MAML3: variants seen among roughly 807,000 people sequenced by gnomAD.
MAML3 encodes the protein mastermind like transcriptional coactivator 3.
In MAML3, 27 loss-of-function variants were observed where a neutral mutation model predicts 101.9. That is an observed-to-expected ratio of 0.27 (90% CI 0.20 to 0.37). MAML3 has a LOEUF of 0.37. Among genes scored for constraint, MAML3 ranks in the 10% least tolerant of loss-of-function variants. The pLI is 1.00. For missense variants in MAML3, 1,316 were observed against 1,444.9 expected (o/e 0.91, Z 1.45); for synonymous variants, 501 against 555.9 (o/e 0.90, Z 1.39).
intron 1 of MAML3, among the ~76,000 whole-genome samples, chr4:139,929,615 A>G (rs563676144): frequency 6.6e-6 from 1 of 152,326 alleles, no homozygotes; most frequent in Admixed American, 6.5e-5. Context: ...TCATGACAAC[A>G]CTTATTAGTT....
In MAML3 at chr4:139,776,137, G is replaced by GA. The variant is rs569661623; in HGVS notation, c.2080-45471dup. On this transcript the variant is annotated intron_variant, in intron 2 of 4. Transcript: ENST00000509479. ...GACAATCTTCCAATGCATGTAGGCTGAAAAAATGATTATTTTGTAAATCAA... is the reference window on the plus strand; with the variant it reads ...GACAATCTTCCAATGCATGTAGGCTGAAAAAAATGATTATTTTGTAAATCAA... 1.2e-4 allele frequency among the ~76,000 whole-genome samples: 19 copies of GA among 152,286 alleles called. No individual in the cohort carries two copies. In the East Asian group the frequency reaches 3.3e-3, roughly 26 times the overall value.
chr4:140,152,331 C>G (rs1361355018), intron 1 of MAML3, among the ~76,000 whole-genome samples: 1 of 152,208 alleles, frequency 6.6e-6, no homozygotes, highest in African/African-American at 2.4e-5. Context: ...CTCTCCTTCC[C>G]CGCTTCCCCC....
intron 1 of MAML3, among the ~76,000 whole-genome samples, chr4:139,989,850 A>AC: frequency 8.1e-6 from 1 of 122,972 alleles, no homozygotes; most frequent in Non-Finnish European, 1.7e-5. Flanking sequence ...CACACAAACA[A>AC]ACACACACAC....
intron 2 of MAML3, among the ~76,000 whole-genome samples, chr4:139,881,276 A>G (rs1237676561): frequency 6.6e-6 from 1 of 152,178 alleles, no homozygotes; most frequent in Non-Finnish European, 1.5e-5. Context: ...GCCTAGCCAG[A>G]GTGGGTTGAG....
At chr4:139,826,186 T>C (rs6840795) in intron 2 of MAML3, among the ~76,000 whole-genome samples, 67,993 of 151,572 alleles carry the variant, frequency 0.45, 15,539 homozygotes, top group African/African-American at 0.5. Flanking sequence ...CTGGCATCCA[T>C]TTGAGCCATC....
In MAML3 at chr4:139,977,894, C is replaced by CA. The variant is rs368816851; in HGVS notation, c.469-86928dup. 3.8e-3 allele frequency among the ~76,000 whole-genome samples: 541 copies of CA among 142,570 alleles called. 3 individuals are homozygous for CA. Among genetic ancestry groups the CA allele is most frequent in the Admixed American group, 6.6e-3 (96 of 14,484 alleles). The allele number at this position is 142,570 out of a possible 152,430, so 93.5% of individuals were successfully genotyped here. On this transcript the variant is annotated intron_variant, in intron 1 of 4. Transcript: ENST00000509479. ...TAACAAAAAAACAAAAAACAAAAAA[C>CA]AAAAAAAAAACAAAAAAAGGATCTT... is the stretch of plus-strand genomic sequence containing the variant.
chr4:140,150,740 CGTGG>C (rs1729143911), intron 1 of MAML3, among the ~76,000 whole-genome samples: 1 of 151,730 alleles, frequency 6.6e-6, no homozygotes, highest in Admixed American at 6.6e-5. Flanking sequence ...TCTCCTCCTC[CGTGG>C]AAGGGCGCTA....
intron 1 of MAML3, among the ~76,000 whole-genome samples, chr4:140,077,289 C>G (rs1727783826): frequency 6.6e-6 from 1 of 152,162 alleles, no homozygotes; most frequent in Non-Finnish European, 1.5e-5. Flanking sequence ...ACATAACTTA[C>G]AAAATCAATG....
intron 1 of MAML3, among the ~76,000 whole-genome samples, chr4:140,122,539 TC>T (rs1728622822): frequency 6.6e-6 from 1 of 152,022 alleles, no homozygotes; most frequent in African/African-American, 2.4e-5. Context: ...ACGCCTGTAA[TC>T]CCAGCACTTT....
intron 1 of MAML3, among the ~76,000 whole-genome samples, chr4:140,103,862 A>C (rs1728290228): frequency 6.6e-6 from 1 of 152,104 alleles, no homozygotes; most frequent in African/African-American, 2.4e-5. Flanking sequence ...ATGCTGCATC[A>C]CCTTCAGTTG....
chr4:139,888,626 G>T, intron 2 of MAML3: 1 of 519,018 alleles, frequency 1.9e-6, no homozygotes, highest in Non-Finnish European at 3.8e-6. Context: ...CATACCAAGA[G>T]CCCAACCTCC....
intron 1 of MAML3, among the ~76,000 whole-genome samples, chr4:140,066,018 G>A (rs926141072): frequency 3.3e-5 from 5 of 152,180 alleles, no homozygotes; most frequent in Non-Finnish European, 7.3e-5. Context: ...TGTGCAACTG[G>A]TGTGCACACT....
intron 1 of MAML3, among the ~76,000 whole-genome samples, chr4:140,136,515 C>A (rs1433167702): frequency 6.6e-6 from 1 of 152,146 alleles, no homozygotes; most frequent in Non-Finnish European, 1.5e-5. Flanking sequence ...CACTTTGTGC[C>A]ATAATCAACC....
rs542787818 is a variant in MAML3 at position 140,049,124 on chromosome 4, C to T, written c.468+103736G>A. 2.0e-5 allele frequency among the ~76,000 whole-genome samples: 3 copies of T among 152,212 alleles called. No individual in the cohort carries two copies. The South Asian group carries it at 6.2e-4, about 32-fold the overall frequency. On this transcript the variant is annotated intron_variant, in intron 1 of 4. Coordinates refer to ENST00000509479, the MANE Select transcript of MAML3 (RefSeq NM_018717.5). ...GCGCATCTGCTGCTCTGTGATTGCA[C>T]AAGAGAAGCTACCACTCCTTTTCTT...
chr4:140,072,067 G>C (rs1052917072), intron 1 of MAML3, among the ~76,000 whole-genome samples: 2 of 152,098 alleles, frequency 1.3e-5, no homozygotes, highest in Non-Finnish European at 2.9e-5. Flanking sequence ...AGACACTTCC[G>C]GCTTTCATTC....
chr4:140,021,864 G>GA (rs1208013255), intron 1 of MAML3, among the ~76,000 whole-genome samples: 4 of 152,160 alleles, frequency 2.6e-5, no homozygotes, highest in African/African-American at 9.7e-5. Context: ...CATCAGCACT[G>GA]TCATCATAAT....
intron 1 of MAML3, among the ~76,000 whole-genome samples, chr4:139,966,628 A>G (rs543534737): frequency 3.9e-5 from 6 of 152,306 alleles, no homozygotes; most frequent in African/African-American, 1.4e-4. Context: ...CCGATGCCTG[A>G]TGACTCTACC....
intron 1 of MAML3, among the ~76,000 whole-genome samples, chr4:139,965,089 T>C (rs532140906): frequency 3.0e-4 from 46 of 152,294 alleles, no homozygotes; most frequent in Non-Finnish European, 5.6e-4. Flanking sequence ...CTAGCAGGGG[T>C]AAAAGTATTC....
intron 2 of MAML3, among the ~76,000 whole-genome samples, chr4:139,815,545 T>C (rs1332764665): frequency 1.3e-5 from 2 of 152,184 alleles, no homozygotes; most frequent in South Asian, 2.1e-4. Flanking sequence ...GGAATTCAAA[T>C]CTGGGCTCCA....
Sources: allele counts gnomAD v4.1 joint callset (sites outside exome capture counted in the v4.1 genomes callset), GRCh38; gene constraint gnomAD v4.1.1; transcripts MANE v1.5; gene names NCBI Gene and HGNC (gene_info 2026-07-23, HGNC 2026-07-21).